Variants in PLXNA4 observed in about 807,000 individuals in gnomAD.
PLXNA4 encodes plexin A4, also known as plexin-A4.
PLXNA4 carries 44 observed loss-of-function variants against 191.8 expected under a neutral mutation model. That is an observed-to-expected ratio of 0.23 (90% confidence interval 0.18 to 0.29). The LOEUF is 0.29. Among genes scored for constraint, PLXNA4 ranks in the 10% least tolerant of loss-of-function variants. The pLI is 1.00. For synonymous variants in PLXNA4, 1,082 were observed against 1,009.5 expected (o/e 1.07, Z -1.36); for missense variants, 1,800 against 2,488.8 (o/e 0.72, Z 5.89).
Position 132,507,766 on chromosome 7 carries a change from G to C in PLXNA4, c.928C>G (p.Leu310Val), listed in dbSNP as rs1429919590. ...CERSGVEYRLLQAAYLSKAGA... is the reference protein window; with the variant it reads ...CERSGVEYRLVQAAYLSKAGA... ...GCTTTGGACAGGTAGGCAGCCTGCA[G>C]CAGGCGGTACTCCACCCCACTGCGC... The change falls in exon 2 of 32, where the codon CTG (leucine) becomes GTG (valine). Residue 310 changes from leucine (L) to valine (V), a missense_variant. This residue lies in a region of PLXNA4 where 1,397 missense variants were observed against 1,880.4 expected (regional missense o/e 0.74). Transcript: ENST00000321063. 6.2e-7 allele frequency: 1 copy of C among 1,614,014 alleles called. No individual in the cohort carries two copies. Among genetic ancestry groups the C allele is most frequent in the African/African-American group, 1.3e-5 (1 of 74,928 alleles).
chr7:132,274,670 AT>A (rs962495270), intron 4 of PLXNA4, among the ~76,000 whole-genome samples: 8 of 151,322 alleles, frequency 5.3e-5, no homozygotes, highest in Admixed American at 6.6e-5. Flanking sequence ...ATGTCTGTCA[AT>A]TTGGGATTGT....
chr7:132,583,165 G>A (rs138164835), intron 2 of PLXNA4, among the ~76,000 whole-genome samples: 207 of 152,226 alleles, frequency 1.4e-3, no homozygotes, highest in African/African-American at 4.8e-3. Context: ...TCACTTTCAC[G>A]AGCTGTCTGG....
At chr7:132,151,798 C>A (rs1795653175) in intron 25 of PLXNA4, among the ~76,000 whole-genome samples, 2 of 152,142 alleles carry the variant, frequency 1.3e-5, no homozygotes, top group African/African-American at 2.4e-5. Context: ...AAGAAGCCTA[C>A]CCAGCTGAAC....
intron 21 of PLXNA4, among the ~76,000 whole-genome samples, chr7:132,170,428 G>A (rs1449035430): frequency 6.6e-6 from 1 of 152,206 alleles, no homozygotes; most frequent in Non-Finnish European, 1.5e-5. Flanking sequence ...GAGGGGGTAT[G>A]AAAAGCTGAT....
chr7:132,181,528 G>T lies in PLXNA4; in HGVS notation c.3345C>A (p.Pro1115=). The change falls in exon 18 of 32, where the codon CCC becomes CCA. Residue 1115 remains proline (P), a synonymous_variant. Transcript: ENST00000321063. ...PDHQSDLTER[P]EEFGFILDNV... is the part of the protein sequence containing the mutation. ...TGTCCAGGATGAAGCCAAACTCCTC[G>T]GGCCTCTCGGTCAGGTCTGACTGGT... 6.2e-7 allele frequency: 1 copy of T among 1,614,122 alleles called. No homozygotes were observed. The highest frequency in any genetic ancestry group is 8.5e-7 in the Non-Finnish European group (1 of 1,180,030).
chr7:132,333,737 T>A (rs1802690961), intron 3 of PLXNA4, among the ~76,000 whole-genome samples: 1 of 152,180 alleles, frequency 6.6e-6, no homozygotes, highest in Admixed American at 6.5e-5. Context: ...TCCCCTTCAG[T>A]GAGGAAAATC....
At chr7:132,355,756 GA>G in intron 3 of PLXNA4, among the ~76,000 whole-genome samples, 1 of 152,128 alleles carries the variant, frequency 6.6e-6, no homozygotes, top group South Asian at 2.1e-4. Flanking sequence ...GGGGAAGGGG[GA>G]AAAATCAAGA....
chr7:132,581,694 T>G (rs115393363), upstream of PLXNA4, among the ~76,000 whole-genome samples: 829 of 151,648 alleles, frequency 5.5e-3, 5 homozygotes, highest in African/African-American at 0.019. Flanking sequence ...CACCGGGGGG[T>G]TGGTGTTTAG....
intron 1 of PLXNA4, among the ~76,000 whole-genome samples, chr7:132,530,341 T>C (rs559400339): frequency 3.3e-4 from 51 of 152,294 alleles, no homozygotes; most frequent in Admixed American, 4.6e-4. Flanking sequence ...AGAGACAACA[T>C]ATTTGCAAAT....
chr7:132,334,824 T>C (rs1459368083), intron 3 of PLXNA4, among the ~76,000 whole-genome samples: 1 of 152,182 alleles, frequency 6.6e-6, no homozygotes, highest in Non-Finnish European at 1.5e-5. Flanking sequence ...GCCCAGAACA[T>C]CGGCATTGAA....
At chr7:132,568,402 G>A (rs184296527) in intron 1 of PLXNA4, among the ~76,000 whole-genome samples, 10 of 152,222 alleles carry the variant, frequency 6.6e-5, no homozygotes, top group East Asian at 1.9e-4. Flanking sequence ...TAGTGTAGTC[G>A]ACTAGTGTTG....
intron 30 of PLXNA4, among the ~76,000 whole-genome samples, chr7:132,135,253 A>T (rs183481481): frequency 6.6e-6 from 1 of 152,330 alleles, no homozygotes; most frequent in East Asian, 1.9e-4. Context: ...GCAGCCAGCC[A>T]CGCAACTCTG....
chr7:132,197,867 T>C (rs576736408), intron 13 of PLXNA4, among the ~76,000 whole-genome samples: 1 of 152,292 alleles, frequency 6.6e-6, no homozygotes, highest in South Asian at 2.1e-4. Context: ...GTATGGAATA[T>C]AGATTCTATG....
chr7:132,325,085 G>T (rs1280894575), intron 3 of PLXNA4, among the ~76,000 whole-genome samples: 1 of 152,090 alleles, frequency 6.6e-6, no homozygotes, highest in Admixed American at 6.6e-5. Flanking sequence ...TCACCTCCGG[G>T]CTCCTCATAC....
At chr7:132,136,042 C>T (rs536129635) in intron 30 of PLXNA4, among the ~76,000 whole-genome samples, 33 of 152,240 alleles carry the variant, frequency 2.2e-4, no homozygotes, top group African/African-American at 7.7e-4. Context: ...TGATCCTAAG[C>T]CTGCCTGCTG....
intron 1 of PLXNA4, among the ~76,000 whole-genome samples, chr7:132,558,410 A>G (rs1446533489): frequency 6.6e-6 from 1 of 152,262 alleles, no homozygotes; most frequent in East Asian, 1.9e-4. Context: ...AATTAAAACA[A>G]GAGAACTTCT....
Position 132,571,872 on chromosome 7 carries a change from A to G in PLXNA4, c.-87+4550T>C, listed in dbSNP as rs79460651. ...CATTTTTTCCTGGGAGAAAATGGGA[A>G]TTGCCAAATGAGGTGACAGTCACCC... is the stretch of plus-strand genomic sequence containing the variant. On this transcript the variant is annotated intron_variant, in intron 1 of 31. Transcript: ENST00000321063. Among the ~76,000 whole-genome samples, 46 of 152,246 alleles carry G rather than the reference A, an allele frequency of 3.0e-4. No individual in the cohort carries two copies. The East Asian group carries it at 8.5e-3, about 28-fold the overall frequency.
At position 132,486,755 on chromosome 7, in the gene PLXNA4, G is replaced by GA. The variant is rs1248033678; in HGVS notation, c.1371+2536dup. On this transcript the variant is annotated intron_variant, in intron 3 of 31. Coordinates refer to ENST00000321063, the MANE Select transcript of PLXNA4 (RefSeq NM_020911.2). ...ATCAACCTACCAAAGTAAAAGATGG[G>GA]AATGCCGGCCGCGGTTTATGAAGCC... Among the ~76,000 whole-genome samples the GA allele has an allele frequency of 2.6e-5, 4 of 152,326 alleles. No homozygotes were observed. The East Asian group carries it at 7.7e-4, about 29-fold the overall frequency.
chr7:132,629,660 A>G (rs1000608422), intron 2 of PLXNA4, among the ~76,000 whole-genome samples: 1 of 152,214 alleles, frequency 6.6e-6, no homozygotes, highest in Admixed American at 6.5e-5. Flanking sequence ...ACAAAATATC[A>G]TGGACTGGGT....
Sources: gnomAD v4.1 joint callset for allele counts (sites outside exome capture counted in the v4.1 genomes callset) on GRCh38, gnomAD v4.1.1 for gene constraint, gnomAD v4.1.1 regional missense constraint, MANE v1.5 for transcripts, NCBI Gene and HGNC (gene_info 2026-07-23, HGNC 2026-07-21) for gene names.